Variants in MIPOL1 observed in about 807,000 individuals in gnomAD.
MIPOL1 encodes the protein mirror-image polydactyly gene 1 protein.
A neutral mutation model predicts 60.9 loss-of-function variants in MIPOL1; 57 were observed. The observed-to-expected ratio is 0.94, with a 90% CI of 0.76 to 1.17. MIPOL1 has a LOEUF of 1.17. MIPOL1 is among the 50% of genes most tolerant of loss of function. The pLI is 0.00. For missense variants in MIPOL1, 551 were observed against 511.6 expected, an observed-to-expected ratio of 1.08 and a Z score of -0.74; for synonymous variants, 179 against 168.8, an observed-to-expected ratio of 1.06 and a Z score of -0.47.
intron 10 of MIPOL1, among the ~76,000 whole-genome samples, chr14:37,372,756 A>T (rs1187777460): frequency 6.8e-6 from 1 of 147,446 alleles, no homozygotes; most frequent in African/African-American, 2.5e-5. Context: ...CTCCGTCTCA[A>T]AAAAAAAAAA....
intron 7 of MIPOL1, among the ~76,000 whole-genome samples, chr14:37,296,693 T>A (rs918308082): frequency 6.6e-6 from 1 of 152,074 alleles, no homozygotes; most frequent in African/African-American, 2.4e-5. Flanking sequence ...ACAAATAAAC[T>A]AGAAAATCTA....
In MIPOL1 at chr14:37,500,865, C is replaced by T. The variant is rs138815473; in HGVS notation, c.1262+727C>T. On this transcript the variant is annotated intron_variant, in intron 12 of 12. Coordinates refer to ENST00000684589, the MANE Select transcript of MIPOL1 (RefSeq NM_001388067.1). The stretch of plus-strand genomic sequence containing the variant: ...ACACATGTAATAGAATATATTTTAA[C>T]CTTCTTTATGTATTGTTAACAGCAC... 6.1e-4 allele frequency among the ~76,000 whole-genome samples: 93 copies of T among 152,208 alleles called. No individual in the cohort carries two copies. The Middle Eastern group carries it at 0.031, about 50-fold the overall frequency.
chr14:37,276,996 C>T (rs1045672902), intron 6 of MIPOL1: 16 of 151,030 alleles, frequency 1.1e-4, no homozygotes, highest in African/African-American at 3.9e-4. Flanking sequence ...AAGAATATAA[C>T]CAATTTGTAT....
At chr14:37,501,163 A>G (rs1199103257) in intron 12 of MIPOL1, among the ~76,000 whole-genome samples, 1 of 152,198 alleles carries the variant, frequency 6.6e-6, no homozygotes, top group African/African-American at 2.4e-5. Flanking sequence ...CTAGCCATGT[A>G]CCTTGAAACT....
At position 37,496,171 on chromosome 14, in the gene MIPOL1, A is replaced by G. The variant is rs544061417; in HGVS notation, c.1032-3737A>G. 4.8e-3 allele frequency among the ~76,000 whole-genome samples: 723 copies of G among 151,308 alleles called. 4 individuals are homozygous for G. Among genetic ancestry groups the G allele is most frequent in the African/African-American group, 0.017 (683 of 41,184 alleles). ...TATTTCAAAATAATAAGAGCTATCT[A>G]TGACAAACCCACAGCCAATATCATA... On this transcript the variant is annotated intron_variant, in intron 11 of 12. Transcript: ENST00000684589.
At chr14:37,232,074 ACT>A (rs1389405249) in intron 1 of MIPOL1, among the ~76,000 whole-genome samples, 1 of 152,114 alleles carries the variant, frequency 6.6e-6, no homozygotes, top group Non-Finnish European at 1.5e-5. Flanking sequence ...AGAGCCAAAC[ACT>A]GTCTCTAAAA....
At chr14:37,212,701 G>T (rs957946970) in intron 1 of MIPOL1, among the ~76,000 whole-genome samples, 2 of 152,158 alleles carry the variant, frequency 1.3e-5, no homozygotes, top group African/African-American at 4.8e-5. Context: ...TGACTGTAGA[G>T]TTCAAGGGTC....
At chr14:37,366,822 A>G (rs1022030487) in intron 9 of MIPOL1, among the ~76,000 whole-genome samples, 1 of 152,048 alleles carries the variant, frequency 6.6e-6, no homozygotes, top group African/African-American at 2.4e-5. Context: ...TTATATATAT[A>G]TGGATGCTCG....
At chr14:37,270,614 T>C (rs998875208) in intron 6 of MIPOL1, 89 bp downstream of exon 6, 1 of 597,150 alleles carries the variant, frequency 1.7e-6, no homozygotes, top group South Asian at 5.6e-5. Flanking sequence ...GCATACTGGC[T>C]TATTTGCCAA....
chr14:37,351,693 T>C (rs2091397627), intron 9 of MIPOL1, among the ~76,000 whole-genome samples: 1 of 137,780 alleles, frequency 7.3e-6, no homozygotes, highest in Non-Finnish European at 1.6e-5. Context: ...GTTTTTTGGC[T>C]GCATAAATGT....
Position 37,308,416 on chromosome 14 carries a change from C to T in MIPOL1, c.725C>T (p.Ala242Val). 1 of 1,605,050 alleles carries T rather than the reference C, an allele frequency of 6.2e-7. No individual in the cohort carries two copies. The highest frequency in any genetic ancestry group is 8.5e-7 in the Non-Finnish European group (1 of 1,176,624). Residue 242 changes from alanine (A) to valine (V), a missense_variant, in exon 9 of 13, where the codon GCT becomes GTT. Transcript: ENST00000684589. ...GGGATAGCTATTCAGAAGAATGGAG[C>T]TATAATTGTGGATAGAATCTACAAG... ...DTGIAIQKNG[A>V]IIVDRIYKTK...
chr14:37,306,841 A>G (rs1344251004), intron 7 of MIPOL1, among the ~76,000 whole-genome samples: 1 of 151,850 alleles, frequency 6.6e-6, no homozygotes, highest in Admixed American at 6.6e-5. Flanking sequence ...GAAGAAAAAA[A>G]GATAAGAGAT....
At chr14:37,268,080 G>A (rs2083015251) in intron 4 of MIPOL1, among the ~76,000 whole-genome samples, 2 of 152,086 alleles carry the variant, frequency 1.3e-5, no homozygotes, top group Non-Finnish European at 2.9e-5. Context: ...GATTTAAAAA[G>A]AAGTTTCAGT....
chr14:37,515,292 G>GA (rs368304881), intron 12 of MIPOL1, among the ~76,000 whole-genome samples: 16,558 of 127,522 alleles, frequency 0.13, 1,211 homozygotes, highest in Non-Finnish European at 0.19. Flanking sequence ...TAAATATAAT[G>GA]AAAAAAAAAA....
At chr14:37,284,021 T>C (rs1446209532) in intron 6 of MIPOL1, among the ~76,000 whole-genome samples, 1 of 151,940 alleles carries the variant, frequency 6.6e-6, no homozygotes, top group Middle Eastern at 3.4e-3. Flanking sequence ...CCAGCCCACA[T>C]TGCAGTAATG....
At chr14:37,346,976 A>G (rs1438057587) in intron 9 of MIPOL1, among the ~76,000 whole-genome samples, 1 of 152,204 alleles carries the variant, frequency 6.6e-6, no homozygotes, top group Non-Finnish European at 1.5e-5. Context: ...CATAACTGTC[A>G]TGGTGAGAAG....
Position 37,354,872 on chromosome 14 carries a change from C to G in MIPOL1, c.829-14645C>G, listed in dbSNP as rs865844732. 6.7e-3 allele frequency among the ~76,000 whole-genome samples: 635 copies of G among 94,612 alleles called. 24 individuals are homozygous for G. The highest frequency in any genetic ancestry group is 0.023 in the African/African-American group (558 of 24,636). The allele number at this position is 94,612 out of a possible 152,430, so 62.1% of individuals were successfully genotyped here. ...TTGACTCTTTATCCAATTTGCCAGT[C>G]TGTGTCTTTCAATTGGAGCATTTAG... On this transcript the variant is annotated intron_variant, in intron 9 of 12. Transcript: ENST00000684589.
At chr14:37,273,088 A>G (rs2083411312) in intron 6 of MIPOL1, among the ~76,000 whole-genome samples, 2 of 151,438 alleles carry the variant, frequency 1.3e-5, no homozygotes, top group Non-Finnish European at 3.0e-5. Context: ...GGAATTATTA[A>G]ATAAGTTATG....
chr14:37,378,491 G>A (rs2092836315), intron 10 of MIPOL1, among the ~76,000 whole-genome samples: 1 of 151,940 alleles, frequency 6.6e-6, no homozygotes, highest in African/African-American at 2.4e-5. Context: ...AAAAATCAGT[G>A]GTTGCTAGGA....
Sources: gnomAD v4.1 joint callset for allele counts (sites outside exome capture counted in the v4.1 genomes callset) on GRCh38, gnomAD v4.1.1 for gene constraint, MANE v1.5 for transcripts, NCBI Gene and HGNC (gene_info 2026-07-23, HGNC 2026-07-21) for gene names.